The following XRN1 variants were observed in gnomAD, a reference collection of about 807,000 sequenced individuals.
The protein encoded by XRN1 is 5'-3' exoribonuclease 1.
XRN1 carries 67 observed loss-of-function variants against 222.3 expected under a neutral mutation model. The observed-to-expected ratio is 0.30, with a 90% CI of 0.25 to 0.37. The LOEUF is 0.37. Among genes scored for constraint, XRN1 ranks in the 10% least tolerant of loss-of-function variants. XRN1 has a pLI of 1.00. For synonymous variants in XRN1, 643 were observed against 652.4 expected (o/e 0.99, Z 0.22); for missense variants, 1,707 against 2,000.2 (o/e 0.85, Z 2.80).
chr3:142,322,612 G>A (rs576818591), intron 37 of XRN1, among the ~76,000 whole-genome samples: 31 of 152,248 alleles, frequency 2.0e-4, no homozygotes, highest in Admixed American at 5.2e-4. Context: ...CCTGGCAGGT[G>A]GAAGCTGCAG....
intron 5 of XRN1, among the ~76,000 whole-genome samples, chr3:142,424,284 T>C (rs560081821): frequency 1.3e-5 from 2 of 152,148 alleles, no homozygotes; most frequent in South Asian, 4.1e-4. Context: ...TTAGTAGAGA[T>C]GGGGTTTAGC....
In XRN1 at chr3:142,371,230, C is replaced by T; in HGVS notation, c.3068+9G>A. The T allele has an allele frequency of 6.2e-7, 1 of 1,606,394 alleles. No homozygotes were observed. Among genetic ancestry groups the T allele is most frequent in the Non-Finnish European group, 8.5e-7 (1 of 1,174,732 alleles). ...CTATGAGGTAATAAATATCATAAAT[C>T]TTGCTTACCCATTCTCATTTTCTCC... On this transcript the variant is annotated intron_variant, in intron 26 of 40. Coordinates refer to ENST00000392981, the MANE Select transcript of XRN1 (RefSeq NM_001282857.2).
At chr3:142,381,473 T>A (rs2067301795) in intron 22 of XRN1, among the ~76,000 whole-genome samples, 1 of 152,108 alleles carries the variant, frequency 6.6e-6, no homozygotes, top group African/African-American at 2.4e-5. Flanking sequence ...AGATATTGCA[T>A]TTAATTGTCA....
chr3:142,379,616 G>C (rs1186720094), intron 23 of XRN1, among the ~76,000 whole-genome samples: 1 of 152,130 alleles, frequency 6.6e-6, no homozygotes, highest in Admixed American at 6.5e-5. Flanking sequence ...TGGTGAGAAG[G>C]TCCTGAAAAA....
Position 142,364,663 on chromosome 3 carries a change from A to C in XRN1, c.3394+384T>G, listed in dbSNP as rs188824198. On this transcript the variant is annotated intron_variant, in intron 29 of 40. Transcript: ENST00000392981. ...AACTAAGTGATTACAATGAAATTTAATCTCAGAAAATAAGTGATTACAATG... is the reference window on the plus strand; with the variant it reads ...AACTAAGTGATTACAATGAAATTTACTCTCAGAAAATAAGTGATTACAATG... Among the ~76,000 whole-genome samples, 153 of 152,330 alleles carry C rather than the reference A, an allele frequency of 1.0e-3. 1 individual carries two copies. Among genetic ancestry groups the C allele is most frequent in the African/African-American group, 3.5e-3 (144 of 41,578 alleles).
At chr3:142,332,908 T>G in intron 35 of XRN1, 59 bp downstream of exon 35, 1 of 1,595,120 alleles carries the variant, frequency 6.3e-7, no homozygotes, top group Non-Finnish European at 8.5e-7. Context: ...ATGGGATATG[T>G]CTGCATGGTC....
chr3:142,431,400 G>T (rs1221898429), intron 2 of XRN1, among the ~76,000 whole-genome samples: 1 of 152,122 alleles, frequency 6.6e-6, no homozygotes, highest in Non-Finnish European at 1.5e-5. Flanking sequence ...CCAAAACCTG[G>T]CCAGACGTGG....
chr3:142,319,696 AAT>A (rs1431836941), intron 37 of XRN1, among the ~76,000 whole-genome samples: 1 of 151,938 alleles, frequency 6.6e-6, no homozygotes, highest in Non-Finnish European at 1.5e-5. Flanking sequence ...TGAAATCTCT[AAT>A]GTCTATTATT....
At chr3:142,434,867 T>C (rs1156648635) in intron 1 of XRN1, 7 of 152,148 alleles carry the variant, frequency 4.6e-5, no homozygotes, top group Non-Finnish European at 8.8e-5. Flanking sequence ...AACTCCATCT[T>C]ACGCTAAAAC....
At chr3:142,323,813 C>A (rs552318700) in intron 37 of XRN1, among the ~76,000 whole-genome samples, 1 of 151,684 alleles carries the variant, frequency 6.6e-6, no homozygotes, top group African/African-American at 2.4e-5. Context: ...AAAAAAAATT[C>A]GAGTAATATC....
chr3:142,421,578 G>A lies in XRN1; in HGVS notation c.968-35C>T, dbSNP rs1418159801. On this transcript the variant is annotated intron_variant, in intron 8 of 40. Transcript: ENST00000392981. ...ACAAAAATTTAAATCTGTACTAAAA[G>A]CTGACATTTTTTCTAAACAATTCTA... 3 of 1,478,862 alleles carry A rather than the reference G, an allele frequency of 2.0e-6. No individual in the cohort carries two copies. The Admixed American group carries it at 5.8e-5, about 29-fold the overall frequency. 91.6% of individuals were successfully genotyped at this position (1,478,862 alleles called of 1,614,324 possible). A position where few individuals can be genotyped will look rare whatever the true frequency, so the allele number is the denominator to read the frequency against.
intron 1 of XRN1, among the ~76,000 whole-genome samples, chr3:142,439,993 G>A (rs1262785948): frequency 6.6e-6 from 1 of 150,496 alleles, no homozygotes; most frequent in Non-Finnish European, 1.5e-5. Flanking sequence ...CTGAGACGAA[G>A]GTCTCAGGAG....
chr3:142,406,077 T>C (rs1485773592), intron 15 of XRN1, among the ~76,000 whole-genome samples: 4 of 151,020 alleles, frequency 2.6e-5, no homozygotes, highest in African/African-American at 7.3e-5. Context: ...GAAAGAGAAA[T>C]GGGGAGAGAA....
chr3:142,385,459 T>C (rs1198956911), intron 20 of XRN1, among the ~76,000 whole-genome samples: 1 of 151,920 alleles, frequency 6.6e-6, no homozygotes. Context: ...TTGCCAGGAG[T>C]ATGTGATGGC....
Position 142,432,779 on chromosome 3 carries a change from T to C in XRN1, c.190A>G (p.Ile64Val), listed in dbSNP as rs1206365842. Reference sequence around the variant, plus strand: ...AACAACACCTCCAGGTAGTGAAAAATATCAGTAAAGATTTTATCATCTGAA... The same window carrying C: ...AACAACACCTCCAGGTAGTGAAAAACATCAGTAAAGATTTTATCATCTGAA... Reference protein sequence around the residue: ...RISDDKIFTDIFHYLEVLFRI... With the variant: ...RISDDKIFTDVFHYLEVLFRI... The change falls in exon 2 of 41, where the codon ATT (isoleucine) becomes GTT (valine). Residue 64 changes from isoleucine (I) to valine (V), a missense_variant. By Grantham distance (29) the Ile-to-Val change is conservative. Transcript: ENST00000392981. 2.5e-5 allele frequency: 40 copies of C among 1,613,762 alleles called. No homozygotes were observed. The highest frequency in any genetic ancestry group is 5.5e-5 in the South Asian group (5 of 91,058).
chr3:142,348,736 T>C (rs139723518), intron 32 of XRN1, among the ~76,000 whole-genome samples: 1 of 152,204 alleles, frequency 6.6e-6, no homozygotes, highest in Non-Finnish European at 1.5e-5. Context: ...TGCATGGGAG[T>C]ACCAAGGAAG....
chr3:142,416,454 G>C (rs2068791728), intron 13 of XRN1, among the ~76,000 whole-genome samples: 1 of 152,108 alleles, frequency 6.6e-6, no homozygotes, highest in Non-Finnish European at 1.5e-5. Flanking sequence ...AAAGCGATGG[G>C]ATTAGAGGCA....
intron 25 of XRN1, among the ~76,000 whole-genome samples, chr3:142,371,951 C>G (rs896452391): frequency 1.3e-5 from 2 of 152,080 alleles, no homozygotes; most frequent in African/African-American, 4.8e-5. Context: ...ATTTGACAGA[C>G]AGGAATAAGT....
Position 142,356,900 on chromosome 3 carries a change from T to TGA in XRN1, c.3672+10_3672+11dup. The stretch of plus-strand genomic sequence containing the variant: ...AAGGGGTAGAGGAGAAGTTAAAGAC[T>TGA]GAGAGTCTTACTTGAGTAGGAACAA... On this transcript the variant is annotated intron_variant, in intron 31 of 40. Transcript: ENST00000392981. The TGA allele has an allele frequency of 6.2e-7, 1 of 1,612,534 alleles. No homozygotes were observed. Among genetic ancestry groups the TGA allele is most frequent in the South Asian group, 1.1e-5 (1 of 90,960 alleles).
Sources: gnomAD v4.1 joint callset for allele counts (sites outside exome capture counted in the v4.1 genomes callset) on GRCh38, gnomAD v4.1.1 for gene constraint, MANE v1.5 for transcripts, NCBI Gene and HGNC (gene_info 2026-07-23, HGNC 2026-07-21) for gene names.